The following ADARB2 variants were observed in gnomAD, a reference collection of about 807,000 sequenced individuals.
ADARB2 encodes the protein adenosine deaminase RNA specific B2 (inactive), also known as inactive double-stranded RNA-specific editase B2.
A neutral mutation model predicts 62.2 loss-of-function variants in ADARB2; 25 were observed. The observed-to-expected ratio is 0.40, with a 90% CI of 0.29 to 0.56. The LOEUF is 0.56. ADARB2 is among the 20% of genes least tolerant of loss of function. The pLI is 0.43. For missense variants in ADARB2, 1,071 were observed against 1,077.4 expected (o/e 0.99, Z 0.08); for synonymous variants, 572 against 500.8 (o/e 1.14, Z -1.90).
intron 2 of ADARB2, among the ~76,000 whole-genome samples, chr10:1,370,293 AC>A (rs1832357258): frequency 1.3e-5 from 2 of 152,192 alleles, no homozygotes; most frequent in Non-Finnish European, 2.9e-5. Context: ...GGCATTGTAG[AC>A]ACATACCTCA....
rs1454510094 is a variant in ADARB2, at chr10:1,181,559, ACTT to A, written c.*1631_*1633del. 2.0e-5 allele frequency: 3 copies of A among 152,146 alleles called. No homozygotes were observed. Among genetic ancestry groups the A allele is most frequent in the Admixed American group, 6.5e-5 (1 of 15,276 alleles). The allele number at this position is 152,146 out of a possible 1,614,324, so 9.4% of individuals were successfully genotyped here. A position where few individuals can be genotyped will look rare whatever the true frequency, so the allele number is the denominator to read the frequency against. On this transcript the variant is annotated 3_prime_UTR_variant, in exon 10 of 10. Coordinates refer to ENST00000381312, the MANE Select transcript of ADARB2 (RefSeq NM_018702.4). Reference sequence around the variant, plus strand: ...TTTCTTTTTCCATACTAATATCTCTACTTCTTATTATCTTGTAACAAATAGCTA... The same window carrying A: ...TTTCTTTTTCCATACTAATATCTCTACTTATTATCTTGTAACAAATAGCTA...
At chr10:1,409,139 C>T (rs772353478) in intron 1 of ADARB2, among the ~76,000 whole-genome samples, 8 of 152,228 alleles carry the variant, frequency 5.3e-5, no homozygotes, top group Non-Finnish European at 1.2e-4. Flanking sequence ...CACGCTTGGC[C>T]CACGGAGCCC....
At chr10:1,544,775 A>C (rs1383458184) in intron 1 of ADARB2, among the ~76,000 whole-genome samples, 2 of 152,118 alleles carry the variant, frequency 1.3e-5, no homozygotes, top group Non-Finnish European at 2.9e-5. Flanking sequence ...TGCTATGTCA[A>C]GTGTACATAC....
At chr10:1,512,539 A>G (rs1012016262) in intron 1 of ADARB2, among the ~76,000 whole-genome samples, 1 of 152,234 alleles carries the variant, frequency 6.6e-6, no homozygotes, top group Admixed American at 6.5e-5. Context: ...CATTTCCTAG[A>G]TGAGAAGGCT....
chr10:1,514,854 G>C (rs773391806), intron 1 of ADARB2, among the ~76,000 whole-genome samples: 1 of 152,138 alleles, frequency 6.6e-6, no homozygotes, highest in Non-Finnish European at 1.5e-5. Flanking sequence ...ATTTGGCCAC[G>C]TTGCAGGATG....
chr10:1,690,642 T>C (rs1185987688), intron 1 of ADARB2, among the ~76,000 whole-genome samples: 7 of 152,138 alleles, frequency 4.6e-5, no homozygotes, highest in Admixed American at 4.6e-4. Context: ...CTCTCCTCCT[T>C]GCTCCTTCCT....
chr10:1,573,330 A>C (rs1832965789), intron 1 of ADARB2, among the ~76,000 whole-genome samples: 1 of 152,136 alleles, frequency 6.6e-6, no homozygotes, highest in South Asian at 2.1e-4. Context: ...TCCCCACCCC[A>C]TGTGCACCAG....
chr10:1,195,331 TC>T (rs1424891987), intron 8 of ADARB2, among the ~76,000 whole-genome samples: 1 of 151,390 alleles, frequency 6.6e-6, no homozygotes, highest in East Asian at 1.9e-4. Context: ...AGTGGGATTC[TC>T]CAGCTTTACA....
chr10:1,633,821 G>A (rs965644474), intron 1 of ADARB2, among the ~76,000 whole-genome samples: 69 of 152,274 alleles, frequency 4.5e-4, no homozygotes, highest in African/African-American at 1.6e-3. Flanking sequence ...CAGGCCCAGG[G>A]ACTCAGTCCA....
In ADARB2 at chr10:1,411,102, A is replaced by G. The variant is rs200202214; in HGVS notation, c.101-31942T>C. Among the ~76,000 whole-genome samples the G allele has an allele frequency of 5.3e-5, 8 of 152,306 alleles. No individual in the cohort carries two copies. The East Asian group carries it at 7.7e-4, about 15-fold the overall frequency. ...TCTCCTCTCTGCAGCCTTTGGGACC[A>G]GGGCACGGCCATCCAGACACGGCCT... On this transcript the variant is annotated intron_variant, in intron 1 of 9. Coordinates refer to ENST00000381312, the MANE Select transcript of ADARB2 (RefSeq NM_018702.4).
At chr10:1,190,598 C>T (rs1490406934) in intron 8 of ADARB2, among the ~76,000 whole-genome samples, 2 of 152,204 alleles carry the variant, frequency 1.3e-5, no homozygotes, top group African/African-American at 2.4e-5. Flanking sequence ...TTCAGAGGCT[C>T]TGGAGAGACC....
Position 1,179,426 on chromosome 10 carries a change from T to A in ADARB2, c.*3767A>T, listed in dbSNP as rs1266643609. 1 of 152,190 alleles carries A rather than the reference T, an allele frequency of 6.6e-6. No individual in the cohort carries two copies. The highest frequency in any genetic ancestry group is 1.9e-4 in the East Asian group (1 of 5,186). The allele number at this position is 152,190 out of a possible 1,614,324, so 9.4% of individuals were successfully genotyped here. On this transcript the variant is annotated 3_prime_UTR_variant, in exon 10 of 10. Coordinates refer to ENST00000381312, the MANE Select transcript of ADARB2 (RefSeq NM_018702.4). ...GAAACAATAGCTATCGACCTGCACATCCTTTCCTCAGCAAAAACAAAACCC... is the reference window on the plus strand; with the variant it reads ...GAAACAATAGCTATCGACCTGCACAACCTTTCCTCAGCAAAAACAAAACCC...
chr10:1,499,752 CACTT>C (rs911450128), intron 1 of ADARB2, among the ~76,000 whole-genome samples: 16 of 152,240 alleles, frequency 1.1e-4, no homozygotes, highest in African/African-American at 3.9e-4. Context: ...ACTCATCACT[CACTT>C]ATTACTTGTT....
chr10:1,582,638 A>G (rs1238079959), intron 1 of ADARB2, among the ~76,000 whole-genome samples: 1 of 152,192 alleles, frequency 6.6e-6, no homozygotes, highest in African/African-American at 2.4e-5. Context: ...CCAAACAGTC[A>G]GTGCCAGTGC....
At chr10:1,352,075 T>C (rs1366434107) in intron 3 of ADARB2, among the ~76,000 whole-genome samples, 3 of 151,896 alleles carry the variant, frequency 2.0e-5, no homozygotes, top group African/African-American at 7.3e-5. Flanking sequence ...GCTCAGCAAA[T>C]TACCTGGGCT....
chr10:1,572,382 A>C (rs879698100), intron 1 of ADARB2, among the ~76,000 whole-genome samples: 7 of 152,156 alleles, frequency 4.6e-5, no homozygotes, highest in Admixed American at 3.9e-4. Flanking sequence ...TCAGGCAGCT[A>C]TGCTGTGACG....
chr10:1,241,344 G>A (rs1036051470), intron 5 of ADARB2, among the ~76,000 whole-genome samples: 2 of 152,224 alleles, frequency 1.3e-5, no homozygotes, highest in African/African-American at 2.4e-5. Context: ...CTCCTTTTGT[G>A]TGGCTTTTGC....
At chr10:1,707,625 C>T (rs1031500325) in intron 1 of ADARB2, among the ~76,000 whole-genome samples, 5 of 152,202 alleles carry the variant, frequency 3.3e-5, no homozygotes, top group African/African-American at 9.6e-5. Flanking sequence ...CACCTGAGGA[C>T]GGGCAGACTC....
chr10:1,253,582 A>G (rs1232634472), intron 4 of ADARB2, among the ~76,000 whole-genome samples: 1 of 152,212 alleles, frequency 6.6e-6, no homozygotes, highest in Admixed American at 6.5e-5. Context: ...AGAGGATAAA[A>G]AACTGTGCAG....
Sources: allele counts gnomAD v4.1 joint callset (sites outside exome capture counted in the v4.1 genomes callset), GRCh38; gene constraint gnomAD v4.1.1; transcripts MANE v1.5; gene names NCBI Gene and HGNC (gene_info 2026-07-23, HGNC 2026-07-21).